The following ATF7 variants were observed in gnomAD, a reference collection of about 807,000 sequenced individuals.
ATF7 encodes cyclic AMP-dependent transcription factor ATF-7.
ATF7 carries 10 observed loss-of-function variants against 50.4 expected under a neutral mutation model. The observed-to-expected ratio is 0.20, with a 90% CI of 0.12 to 0.34. The LOEUF (loss-of-function observed/expected upper bound fraction) is 0.34. Ranked by LOEUF, ATF7 falls within the 10% of genes least tolerant of loss-of-function variation. The pLI, the probability that ATF7 is intolerant of heterozygous loss-of-function variation, is 1.00. For synonymous variants in ATF7, 201 were observed against 226.4 expected (o/e 0.89, Z 1.01); for missense variants, 465 against 613.9 (o/e 0.76, Z 2.56).
chr12:53,544,844 T>TA (rs573946644), intron 3 of ATF7, among the ~76,000 whole-genome samples: 2 of 152,166 alleles, frequency 1.3e-5, no homozygotes, highest in African/African-American at 2.4e-5. Context: ...ACAATTTTTA[T>TA]AAAAAAATTT....
At chr12:53,606,139 A>G (rs10783588) in intron 1 of ATF7, among the ~76,000 whole-genome samples, 53,954 of 151,778 alleles carry the variant, frequency 0.36, 10,172 homozygotes, top group East Asian at 0.8. Flanking sequence ...TAGTTTGTCA[A>G]GTTAACCCCT....
intron 9 of ATF7, among the ~76,000 whole-genome samples, chr12:53,528,839 T>C (rs1328879517): frequency 6.6e-6 from 1 of 152,044 alleles, no homozygotes; most frequent in Non-Finnish European, 1.5e-5. Flanking sequence ...AAGGAAAGGT[T>C]CCTATTCTGT....
At chr12:53,595,096 G>A (rs1943099808) in intron 2 of ATF7, among the ~76,000 whole-genome samples, 1 of 152,124 alleles carries the variant, frequency 6.6e-6, no homozygotes, top group Non-Finnish European at 1.5e-5. Flanking sequence ...CAGCATGCAG[G>A]CACTCTTACC....
chr12:53,578,039 A>T (rs1199566196), intron 2 of ATF7, among the ~76,000 whole-genome samples: 2 of 152,162 alleles, frequency 1.3e-5, no homozygotes, highest in African/African-American at 4.8e-5. Context: ...CAGAGAGTAC[A>T]GTCAAAGAGA....
intron 2 of ATF7, among the ~76,000 whole-genome samples, chr12:53,557,238 G>C (rs1426180370): frequency 6.6e-6 from 1 of 152,180 alleles, no homozygotes; most frequent in African/African-American, 2.4e-5. Flanking sequence ...GTCTTGCTCT[G>C]TTGCCCAGGC....
In ATF7 at chr12:53,600,937, T is replaced by C; in HGVS notation, c.48+16A>G. On this transcript the variant is annotated intron_variant, in intron 2 of 11. Transcript: ENST00000420353. ...TCACAACGAGACATTCACAATAAAG[T>C]ATATTGTAAACGTACCTGTCCACAG... The C allele has an allele frequency of 1.9e-6, 3 of 1,612,028 alleles. No homozygotes were observed. The highest frequency in any genetic ancestry group is 2.5e-6 in the Non-Finnish European group (3 of 1,178,950).
At chr12:53,553,150 G>A (rs1432486869) in intron 2 of ATF7, among the ~76,000 whole-genome samples, 7 of 152,200 alleles carry the variant, frequency 4.6e-5, no homozygotes, top group Admixed American at 1.3e-4. Context: ...GGCCCCTACA[G>A]TGCTGCAGCA....
At chr12:53,610,313 C>G (rs771865749) in intron 1 of ATF7, among the ~76,000 whole-genome samples, 2 of 151,752 alleles carry the variant, frequency 1.3e-5, no homozygotes, top group Non-Finnish European at 2.9e-5. Flanking sequence ...ACCTGTAATC[C>G]CAGCACTTTG....
chr12:53,535,045 T>C (rs146011441), intron 5 of ATF7, among the ~76,000 whole-genome samples: 430 of 152,240 alleles, frequency 2.8e-3, no homozygotes, highest in Non-Finnish European at 4.0e-3. Context: ...AAGGCAGGTA[T>C]ACTGGTAATG....
chr12:53,524,038 C>T lies in ATF7; in HGVS notation c.1125+526G>A, dbSNP rs146506373. Among the ~76,000 whole-genome samples, 1 of 152,154 alleles carries T rather than the reference C, an allele frequency of 6.6e-6. No homozygotes were observed. Among genetic ancestry groups the T allele is most frequent in the African/African-American group, 2.4e-5 (1 of 41,524 alleles). On this transcript the variant is annotated intron_variant, in intron 10 of 11. Coordinates refer to ENST00000420353, the MANE Select transcript of ATF7 (RefSeq NM_006856.3). This position sits in a 1 kb window ranked among gnomAD's most constrained non-coding sequence, Gnocchi z 4.6. ...CTAGAAAAGGCAGATTAAAGAGGGA[C>T]TTTGTTTCTATTCTGTACATTTGTG...
At chr12:53,511,538 C>T (rs1181826676), downstream of ATF7, among the ~76,000 whole-genome samples, 1 of 152,228 alleles carries the variant, frequency 6.6e-6, no homozygotes, top group East Asian at 1.9e-4. Flanking sequence ...GCATGAGCCA[C>T]CATGCCCGGT....
At chr12:53,537,085 T>C (rs947239529) in intron 5 of ATF7, among the ~76,000 whole-genome samples, 1 of 152,118 alleles carries the variant, frequency 6.6e-6, no homozygotes, top group Admixed American at 6.6e-5. Flanking sequence ...ACTTTTTTTT[T>C]TCTTGAGACA....
At chr12:53,563,386 C>T (rs1165465787) in intron 2 of ATF7, among the ~76,000 whole-genome samples, 17 of 151,794 alleles carry the variant, frequency 1.1e-4, no homozygotes, top group African/African-American at 3.4e-4. Flanking sequence ...GAGGCTGAGG[C>T]GGGAGAATTG....
At position 53,515,035 on chromosome 12, in the gene ATF7, T is replaced by A. The variant is rs908088907; in HGVS notation, c.*2102A>T. On this transcript the variant is annotated 3_prime_UTR_variant, in exon 12 of 12. Coordinates refer to ENST00000420353, the MANE Select transcript of ATF7 (RefSeq NM_006856.3). ...TGAATTTTTAAAGGCAAAAGTGAAG[T>A]CCCTGGATGTGGTAACCTGCGTCCT... 6.6e-6 allele frequency: 1 copy of A among 152,172 alleles called. No individual in the cohort carries two copies. The highest frequency in any genetic ancestry group is 2.4e-5 in the African/African-American group (1 of 41,434). The allele number at this position is 152,172 out of a possible 1,614,324, so 9.4% of individuals were successfully genotyped here.
chr12:53,534,797 GA>G, intron 5 of ATF7, 138 bp from the exon 6 acceptor site: 6 of 991,816 alleles, frequency 6.0e-6, no homozygotes, highest in Non-Finnish European at 8.9e-6. Context: ...ATTCCATCAG[GA>G]TCAGGGACCC....
intron 9 of ATF7, among the ~76,000 whole-genome samples, chr12:53,526,671 CA>C (rs1187816869): frequency 7.1e-6 from 1 of 140,136 alleles, no homozygotes; most frequent in Admixed American, 7.1e-5. Flanking sequence ...GCCAACATGG[CA>C]AAACCCCGTC....
At chr12:53,520,073 A>T (rs1209759500) in intron 11 of ATF7, among the ~76,000 whole-genome samples, 3 of 152,118 alleles carry the variant, frequency 2.0e-5, no homozygotes, top group Non-Finnish European at 4.4e-5. Context: ...TTCTTGAAAC[A>T]CTTTTTTATT....
chr12:53,594,178 C>T (rs1943059146), intron 2 of ATF7, among the ~76,000 whole-genome samples: 2 of 152,108 alleles, frequency 1.3e-5, no homozygotes, highest in Admixed American at 1.3e-4. Flanking sequence ...GTAAACTCAG[C>T]AGTTTGCAAA....
chr12:53,511,911 T>C (rs1008246511), downstream of ATF7: 18 of 152,222 alleles, frequency 1.2e-4, no homozygotes, highest in African/African-American at 4.1e-4. Flanking sequence ...CTCCCATGTA[T>C]AAAAACTAGA....
Sources: gnomAD v4.1 joint callset for allele counts (sites outside exome capture counted in the v4.1 genomes callset) on GRCh38, gnomAD v4.1.1 for gene constraint, Gnocchi (gnomAD v3.1) non-coding constraint, MANE v1.5 for transcripts, NCBI Gene and HGNC (gene_info 2026-07-23, HGNC 2026-07-21) for gene names.